SUV39H2: variants seen among roughly 807,000 people sequenced by gnomAD.
SUV39H2 encodes the protein histone-lysine N-methyltransferase SUV39H2.
SUV39H2 carries 10 observed loss-of-function variants against 47.5 expected under a neutral mutation model. The observed-to-expected ratio is 0.21, with a 90% CI of 0.13 to 0.36. The LOEUF is 0.36. Ranked by LOEUF, SUV39H2 falls within the 10% of genes least tolerant of loss-of-function variation. The probability of loss-of-function intolerance (pLI) is 1.00; values close to 1 mark genes in which losing one functional copy is unlikely to be tolerated. For synonymous variants in SUV39H2, 159 were observed against 166.8 expected (o/e 0.95, Z 0.36); for missense variants, 266 against 487.4 (o/e 0.55, Z 4.28).
At chr10:14,886,166 TTA>T (rs1332377773) in intron 2 of SUV39H2, among the ~76,000 whole-genome samples, 1 of 152,242 alleles carries the variant, frequency 6.6e-6, no homozygotes, top group East Asian at 1.9e-4. Context: ...CAGACCCAGC[TTA>T]TATTCTAATG....
intron 2 of SUV39H2, among the ~76,000 whole-genome samples, chr10:14,895,071 G>T (rs1833523138): frequency 6.6e-6 from 1 of 151,226 alleles, no homozygotes; most frequent in African/African-American, 2.4e-5. Context: ...GTTACCCTTG[G>T]GCATGTGGCT....
chr10:14,900,441 C>T (rs1833924678), intron 4 of SUV39H2, among the ~76,000 whole-genome samples: 1 of 152,148 alleles, frequency 6.6e-6, no homozygotes, highest in Admixed American at 6.5e-5. Context: ...TGATGGATTT[C>T]ATAGTAAGAA....
chr10:14,893,030 A>G (rs1588843591), intron 2 of SUV39H2, among the ~76,000 whole-genome samples: 2 of 112,924 alleles, frequency 1.8e-5, no homozygotes, highest in South Asian at 3.0e-4. Flanking sequence ...TTTGAGACGG[A>G]GTCTCGCTGT....
intron 1 of SUV39H2, 197 bp downstream of exon 1, chr10:14,879,116 C>T (rs924832342): frequency 2.4e-6 from 3 of 1,266,772 alleles, no homozygotes; most frequent in African/African-American, 1.6e-5. Flanking sequence ...CCGGCCGGCT[C>T]CCGCCGCGGA....
At chr10:14,894,952 G>C (rs917191790) in intron 2 of SUV39H2, among the ~76,000 whole-genome samples, 13 of 152,102 alleles carry the variant, frequency 8.5e-5, no homozygotes, top group Admixed American at 3.3e-4. Context: ...GGGAAAAGCA[G>C]TTATCTCAAT....
chr10:14,891,559 G>T (rs1423438267), intron 2 of SUV39H2, among the ~76,000 whole-genome samples: 1 of 152,162 alleles, frequency 6.6e-6, no homozygotes, highest in Non-Finnish European at 1.5e-5. Flanking sequence ...GTTTAAGAAT[G>T]CAGGCAAGAA....
intron 3 of SUV39H2, chr10:14,899,036 A>G (rs1833802820): frequency 1.7e-6 from 1 of 579,402 alleles, no homozygotes; most frequent in Non-Finnish European, 3.1e-6. Context: ...ATCCTGTTTA[A>G]AAAGTCATAA....
intron 2 of SUV39H2, among the ~76,000 whole-genome samples, chr10:14,883,745 T>C (rs1475639264): frequency 6.7e-6 from 1 of 149,020 alleles, no homozygotes; most frequent in Non-Finnish European, 1.5e-5. Flanking sequence ...CCACAGATTT[T>C]CTAGTATACT....
At chr10:14,897,715 T>C (rs1360143658) in intron 3 of SUV39H2, 198 bp downstream of exon 3, 2 of 391,706 alleles carry the variant, frequency 5.1e-6, no homozygotes, top group Admixed American at 4.3e-5. Context: ...ATAAAAAATA[T>C]ACGTTAAAAC....
In SUV39H2 at chr10:14,902,817, T is replaced by G. The variant is rs1834112985; in HGVS notation, c.*305T>G. On this transcript the variant is annotated 3_prime_UTR_variant, in exon 6 of 6. Transcript: ENST00000354919. ...AACAGAGAAATGCCTCCCGTAGTGTTTGAAAGCGTTAAGCTGATAATGTAA... is the reference window on the plus strand; with the variant it reads ...AACAGAGAAATGCCTCCCGTAGTGTGTGAAAGCGTTAAGCTGATAATGTAA... The G allele has an allele frequency of 5.8e-6, 1 of 173,202 alleles. No individual in the cohort carries two copies. Among genetic ancestry groups the G allele is most frequent in the South Asian group, 1.7e-4 (1 of 5,830 alleles). The allele number at this position is 173,202 out of a possible 1,614,324, so 10.7% of individuals were successfully genotyped here. A position where few individuals can be genotyped will look rare whatever the true frequency, so the allele number is the denominator to read the frequency against.
intron 1 of SUV39H2, 169 bp downstream of exon 1, chr10:14,879,088 G>C (rs1832959388): frequency 7.8e-7 from 1 of 1,279,070 alleles, no homozygotes; most frequent in Non-Finnish European, 9.9e-7. Context: ...CCCCCAGGCC[G>C]CTGACCCGCC....
At chr10:14,893,169 A>G (rs1250862329) in intron 2 of SUV39H2, among the ~76,000 whole-genome samples, 2 of 150,692 alleles carry the variant, frequency 1.3e-5, no homozygotes, top group South Asian at 4.2e-4. Context: ...TCGCCCGGCT[A>G]ATTTTTTGTA....
intron 2 of SUV39H2, among the ~76,000 whole-genome samples, chr10:14,891,326 A>G (rs1158317456): frequency 1.3e-5 from 2 of 152,208 alleles, no homozygotes; most frequent in Non-Finnish European, 2.9e-5. Flanking sequence ...GGAGCCAGAG[A>G]GGCATCAGGG....
intron 2 of SUV39H2, among the ~76,000 whole-genome samples, chr10:14,884,648 C>G (rs1018227795): frequency 6.6e-6 from 1 of 152,184 alleles, no homozygotes; most frequent in Non-Finnish European, 1.5e-5. Context: ...CTTATTCTGA[C>G]TTGTGCCCCT....
chr10:14,895,914 G>GT (rs577176593), intron 2 of SUV39H2, among the ~76,000 whole-genome samples: 1,750 of 137,300 alleles, frequency 0.013, 28 homozygotes, highest in South Asian at 0.043. Context: ...TTCAGTGTGG[G>GT]TTTTTTTTTT....
At chr10:14,891,012 G>A (rs1449645986) in intron 2 of SUV39H2, among the ~76,000 whole-genome samples, 2 of 152,124 alleles carry the variant, frequency 1.3e-5, no homozygotes, top group African/African-American at 4.8e-5. Context: ...GTGCTCATTT[G>A]GGGGCTATAA....
chr10:14,895,968 G>A (rs1215770859), intron 2 of SUV39H2, among the ~76,000 whole-genome samples: 4 of 148,872 alleles, frequency 2.7e-5, no homozygotes, highest in African/African-American at 5.0e-5. Context: ...TTGAGACTGA[G>A]TCTCGCACTC....
intron 2 of SUV39H2, among the ~76,000 whole-genome samples, chr10:14,894,776 C>G (rs1241885761): frequency 6.6e-6 from 1 of 152,204 alleles, no homozygotes; most frequent in Non-Finnish European, 1.5e-5. Flanking sequence ...GGGTGGGCGC[C>G]TGGTTCCTGC....
rs1834147692 is a variant in SUV39H2, at chr10:14,903,357, T to A, written c.*845T>A. 1 of 152,176 alleles carries A rather than the reference T, an allele frequency of 6.6e-6. No homozygotes were observed. 9.4% of individuals were successfully genotyped at this position (152,176 alleles called of 1,614,324 possible). Reference sequence around the variant, plus strand: ...GAATTGGAAATCTGTGTCGAGTACCTCTGATCTAAACGGTAAAACAAGCTG... The same window carrying A: ...GAATTGGAAATCTGTGTCGAGTACCACTGATCTAAACGGTAAAACAAGCTG... On this transcript the variant is annotated 3_prime_UTR_variant, in exon 6 of 6. Coordinates refer to ENST00000354919, the MANE Select transcript of SUV39H2 (RefSeq NM_001193424.2).
Sources: allele counts gnomAD v4.1 joint callset (sites outside exome capture counted in the v4.1 genomes callset), GRCh38; gene constraint gnomAD v4.1.1; transcripts MANE v1.5; gene names NCBI Gene and HGNC (gene_info 2026-07-23, HGNC 2026-07-21).